LY75: variants seen among roughly 807,000 people sequenced by gnomAD.
The protein encoded by LY75 is lymphocyte antigen 75.
In LY75, 185 loss-of-function variants were observed where a neutral mutation model predicts 231.7. That is an observed-to-expected ratio of 0.80 (90% CI 0.71 to 0.90). The LOEUF is 0.90. Among genes scored for constraint, LY75 ranks in the 40% least tolerant of loss-of-function variants. The pLI, the probability that LY75 is intolerant of heterozygous loss-of-function variation, is 0.00. For missense variants in LY75, 1,947 were observed against 2,050.2 expected (o/e 0.95, Z 0.97); for synonymous variants, 668 against 689.0 (o/e 0.97, Z 0.48).
At chr2:159,841,767 T>C (rs1263568988) in intron 24 of LY75, among the ~76,000 whole-genome samples, 1 of 152,040 alleles carries the variant, frequency 6.6e-6, no homozygotes, top group African/African-American at 2.4e-5. Context: ...ATATGAAGTT[T>C]TTTTCTCCTT....
At chr2:159,805,245 G>A in intron 34 of LY75, 23 bp from the exon 35 acceptor site, 2 of 1,592,848 alleles carry the variant, frequency 1.3e-6, no homozygotes, top group South Asian at 1.1e-5. Flanking sequence ...AAGGTTTGAT[G>A]TTGGAGGAGA....
At position 159,815,363 on chromosome 2, in the gene LY75, C is replaced by G. The variant is rs771289659; in HGVS notation, c.4549+42G>C. 6 of 1,545,534 alleles carry G rather than the reference C, an allele frequency of 3.9e-6. No individual in the cohort carries two copies. In the South Asian group the frequency reaches 7.5e-5, roughly 19 times the overall value. On this transcript the variant is annotated intron_variant, in intron 31 of 34. Coordinates refer to ENST00000263636, the MANE Select transcript of LY75 (RefSeq NM_002349.4). ...TTTTAATTATGTGCATAAATTATGTCACATTTTCATAAATGTACTGTTACT... is the reference window on the plus strand; with the variant it reads ...TTTTAATTATGTGCATAAATTATGTGACATTTTCATAAATGTACTGTTACT...
chr2:159,869,248 C>T (rs1317294542), intron 13 of LY75, among the ~76,000 whole-genome samples: 3 of 150,722 alleles, frequency 2.0e-5, no homozygotes, highest in Non-Finnish European at 4.4e-5. Flanking sequence ...TGTATACATA[C>T]GTAACAAACC....
At chr2:159,861,128 A>G (rs1027606947) in intron 14 of LY75, among the ~76,000 whole-genome samples, 2 of 152,306 alleles carry the variant, frequency 1.3e-5, no homozygotes, top group African/African-American at 4.8e-5. Context: ...TAGTGTATTA[A>G]GTTCGCCGCT....
At chr2:159,878,299 C>T (rs1685331050) in intron 11 of LY75, 25 bp downstream of exon 11, 1 of 1,610,068 alleles carries the variant, frequency 6.2e-7, no homozygotes, top group East Asian at 2.2e-5. Flanking sequence ...CAGTATACTA[C>T]TACTTCAAAG....
chr2:159,871,278 T>C (rs1445816982), intron 13 of LY75, among the ~76,000 whole-genome samples: 1 of 152,088 alleles, frequency 6.6e-6, no homozygotes, highest in Non-Finnish European at 1.5e-5. Flanking sequence ...TTAACTCAAT[T>C]GCTATTTGAG....
At chr2:159,883,919 G>T (rs988173212) in intron 6 of LY75, among the ~76,000 whole-genome samples, 1 of 152,096 alleles carries the variant, frequency 6.6e-6, no homozygotes, top group African/African-American at 2.4e-5. Flanking sequence ...GTTCCTTAAA[G>T]CAGGACATTT....
intron 4 of LY75, 88 bp from the exon 5 acceptor site, chr2:159,886,618 C>G: frequency 2.3e-6 from 3 of 1,312,922 alleles, no homozygotes; most frequent in Non-Finnish European, 3.1e-6. Context: ...ACAAACAAAT[C>G]TGCAGACCTT....
chr2:159,817,163 A>G (rs963032374), intron 29 of LY75, 131 bp from the exon 30 acceptor site: 158 of 983,492 alleles, frequency 1.6e-4, no homozygotes, highest in Non-Finnish European at 2.0e-4. Flanking sequence ...GGTCAAATGT[A>G]TATTTTATTT....
intron 28 of LY75, among the ~76,000 whole-genome samples, chr2:159,824,996 G>A (rs1683414542): frequency 1.3e-5 from 2 of 152,162 alleles, no homozygotes; most frequent in Admixed American, 6.5e-5. Flanking sequence ...ATGCCCACAA[G>A]AGAAAGCAGG....
At chr2:159,869,845 G>A (rs1684958048) in intron 13 of LY75, among the ~76,000 whole-genome samples, 1 of 152,124 alleles carries the variant, frequency 6.6e-6, no homozygotes, top group Non-Finnish European at 1.5e-5. Context: ...CTGTATGTGT[G>A]GAAAATTTTG....
chr2:159,814,210 C>G (rs975025153), intron 31 of LY75, among the ~76,000 whole-genome samples: 21 of 152,180 alleles, frequency 1.4e-4, no homozygotes, highest in African/African-American at 4.8e-4. Flanking sequence ...TGGTCTTCCT[C>G]AAGGTTCATG....
At position 159,805,149 on chromosome 2, in the gene LY75, C is replaced by A. The variant is rs1682754538; in HGVS notation, c.5064G>T (p.Trp1688Cys). The A allele has an allele frequency of 8.7e-6, 14 of 1,614,090 alleles. No individual in the cohort carries two copies. Among genetic ancestry groups the A allele is most frequent in the Non-Finnish European group, 1.1e-5 (13 of 1,179,980 alleles). The change falls in exon 35 of 35, where the codon TGG (tryptophan) becomes TGT (cysteine). Residue 1688 changes from tryptophan (W) to cysteine (C), a missense_variant. Trp to Cys is a radical substitution (Grantham distance 215, BLOSUM62 -2). Coordinates refer to ENST00000263636, the MANE Select transcript of LY75 (RefSeq NM_002349.4). ...GCAAACGGTGCCTTTGGAAGAGGAA[C>A]CAAATCAGTCCGCCCATGAGAACTA... ...SILVLMGGLI[W>C]FLFQRHRLHL...
chr2:159,874,764 GTAAATATATATATTT>G (rs1685192444), intron 12 of LY75, among the ~76,000 whole-genome samples: 1 of 2,718 alleles, frequency 3.7e-4, no homozygotes, highest in African/African-American at 8.1e-4. Context: ...GTAAATATAT[GTAAATATATATATTT>G]TGTAAATATA....
rs535657627 is a variant in LY75, at chr2:159,886,292, T to A, written c.913+128A>T. The A allele has an allele frequency of 4.9e-6, 5 of 1,023,470 alleles. No homozygotes were observed. In the East Asian group the frequency reaches 1.5e-4, roughly 30 times the overall value. 63.4% of individuals were successfully genotyped at this position (1,023,470 alleles called of 1,614,324 possible). On this transcript the variant is annotated intron_variant, in intron 5 of 34. Transcript: ENST00000263636. ...TTAAGAATGGTTTAGGAAGAAAAAA[T>A]TCTTCTGAGAGGTAACCATAGTAAG...
intron 4 of LY75, among the ~76,000 whole-genome samples, chr2:159,887,246 C>CACAT (rs1487810308): frequency 1.3e-5 from 2 of 150,316 alleles, no homozygotes; most frequent in African/African-American, 4.9e-5. Context: ...CACACACACA[C>CACAT]ACACGTGGTA....
chr2:159,895,200 A>G (rs1685877342), intron 2 of LY75, among the ~76,000 whole-genome samples: 1 of 152,248 alleles, frequency 6.6e-6, no homozygotes, highest in Non-Finnish European at 1.5e-5. Flanking sequence ...GCAGACCTAT[A>G]GCAAAAGGTA....
In LY75 at chr2:159,879,300, G is replaced by C; in HGVS notation, c.1474C>G (p.Leu492Val). The change falls in exon 9 of 35, where the codon CTG becomes GTG. Residue 492 changes from leucine (L) to valine (V), a missense_variant. By Grantham distance (32) the Leu-to-Val change is conservative. Coordinates refer to ENST00000263636, the MANE Select transcript of LY75 (RefSeq NM_002349.4). ...KYVCKRKGEK[L>V]NDASSDKMCP... ...ATCTTATCAGAACTTGCGTCATTCA[G>C]TTTTTCTCCCTTTCTCTTGCATACA... 6.2e-7 allele frequency: 1 copy of C among 1,613,708 alleles called. No homozygotes were observed. Among genetic ancestry groups the C allele is most frequent in the East Asian group, 2.2e-5 (1 of 44,838 alleles).
At chr2:159,868,698 T>C (rs1684924012) in intron 13 of LY75, among the ~76,000 whole-genome samples, 1 of 152,212 alleles carries the variant, frequency 6.6e-6, no homozygotes, top group East Asian at 1.9e-4. Context: ...CTACTTATTG[T>C]TTCTCACAAA....
Sources: allele counts gnomAD v4.1 joint callset (sites outside exome capture counted in the v4.1 genomes callset), GRCh38; gene constraint gnomAD v4.1.1; transcripts MANE v1.5; gene names NCBI Gene and HGNC (gene_info 2026-07-23, HGNC 2026-07-21).